Variants in SAMMSON observed in about 807,000 individuals in gnomAD.
SAMMSON encodes the protein survival associated mitochondrial melanoma specific oncogenic non-coding RNA.
chr3:70,183,348 G>A (rs1021599357), intron 4 of SAMMSON: 3 of 152,234 alleles, frequency 2.0e-5, no homozygotes, highest in Admixed American at 6.5e-5. Context: ...TCTGTTCTCA[G>A]TGGCTCGTGT....
intron 4 of SAMMSON, among the ~76,000 whole-genome samples, chr3:70,136,840 A>AGCTTTT (rs2067507882): frequency 6.6e-6 from 1 of 152,088 alleles, no homozygotes; most frequent in Admixed American, 6.5e-5. Flanking sequence ...ATGTCATTGA[A>AGCTTTT]GTTTTGATCT....
At chr3:70,252,016 G>A (rs1000476489) in intron 6 of SAMMSON, among the ~76,000 whole-genome samples, 1 of 152,176 alleles carries the variant, frequency 6.6e-6, no homozygotes, top group African/African-American at 2.4e-5. Flanking sequence ...CAAAACAAGT[G>A]CCTTCAATTC....
At chr3:70,269,815 C>T (rs1010676625) in intron 6 of SAMMSON, among the ~76,000 whole-genome samples, 1 of 152,150 alleles carries the variant, frequency 6.6e-6, no homozygotes, top group Non-Finnish European at 1.5e-5. Context: ...AACGAAATCA[C>T]ATCTCATTTC....
At chr3:70,153,869 C>T (rs1160829533) in intron 4 of SAMMSON, among the ~76,000 whole-genome samples, 1 of 151,920 alleles carries the variant, frequency 6.6e-6, no homozygotes, top group Non-Finnish European at 1.5e-5. Context: ...CTCCCCTTTC[C>T]CCCAAAACTC....
intron 7 of SAMMSON, among the ~76,000 whole-genome samples, chr3:70,307,814 A>G (rs890465018): frequency 6.6e-6 from 1 of 152,072 alleles, no homozygotes. Flanking sequence ...TACTTAACCT[A>G]CAGTCAGCAC....
chr3:70,339,799 A>T (rs4479559), intron 7 of SAMMSON, among the ~76,000 whole-genome samples: 1 of 152,158 alleles, frequency 6.6e-6, no homozygotes, highest in South Asian at 2.1e-4. Context: ...CTTTTACACC[A>T]TTGGTGGGAC....
intron 3 of SAMMSON, among the ~76,000 whole-genome samples, chr3:70,042,403 G>A (rs961688315): frequency 2.0e-5 from 3 of 152,060 alleles, no homozygotes; most frequent in Non-Finnish European, 4.4e-5. Flanking sequence ...GGAATTGTCA[G>A]GAAGGCAACA....
intron 4 of SAMMSON, among the ~76,000 whole-genome samples, chr3:70,120,923 C>A (rs910381492): frequency 1.3e-5 from 2 of 152,156 alleles, no homozygotes; most frequent in African/African-American, 4.8e-5. Flanking sequence ...CAATTCATTT[C>A]TATTATTACA....
rs994985708 is a variant in SAMMSON, at chr3:70,307,876, C to T, written n.739+16633C>T. On this transcript the variant is annotated intron_variant and non_coding_transcript_variant, in intron 7 of 9. Transcript: ENST00000642114. Reference sequence around the variant, plus strand: ...CATTATTCCGTATATGAATAATCAGCCAATATGCCCATTTCCCTAGCACTG... The same window carrying T: ...CATTATTCCGTATATGAATAATCAGTCAATATGCCCATTTCCCTAGCACTG... Among the ~76,000 whole-genome samples, 3 of 152,182 alleles carry T rather than the reference C, an allele frequency of 2.0e-5. No individual in the cohort carries two copies. In the South Asian group the frequency reaches 6.2e-4, roughly 31 times the overall value.
rs552609760 is a variant in SAMMSON, at chr3:70,370,338, G to T, written n.913+12014G>T. On this transcript the variant is annotated intron_variant and non_coding_transcript_variant, in intron 9 of 9. Transcript: ENST00000642114. ...CTTTGGATGAATACCCGGTGGGATT[G>T]CTGGATCATATGGTAGTTCTATTTT... is the stretch of plus-strand genomic sequence containing the variant. Among the ~76,000 whole-genome samples the T allele has an allele frequency of 6.6e-5, 10 of 152,102 alleles. No individual in the cohort carries two copies. The East Asian group carries it at 1.9e-3, about 29-fold the overall frequency.
rs2066915296 is a variant in SAMMSON at position 70,003,745 on chromosome 3, T to C, written n.22+3878T>C. Among the ~76,000 whole-genome samples the C allele has an allele frequency of 2.0e-5, 3 of 152,120 alleles. No homozygotes were observed. In the South Asian group the frequency reaches 6.2e-4, roughly 32 times the overall value. On this transcript the variant is annotated intron_variant and non_coding_transcript_variant, in intron 1 of 9. Coordinates refer to ENST00000642114, the Ensembl canonical transcript of SAMMSON. Reference sequence around the variant, plus strand: ...TTTTTTGCTCTTTACTCTTTTTGTATGTCTGTTCTTTCATCTGGGATAATC... The same window carrying C: ...TTTTTTGCTCTTTACTCTTTTTGTACGTCTGTTCTTTCATCTGGGATAATC...
intron 4 of SAMMSON, among the ~76,000 whole-genome samples, chr3:70,225,802 C>T (rs1274615385): frequency 1.3e-5 from 2 of 152,164 alleles, no homozygotes; most frequent in Non-Finnish European, 2.9e-5. Context: ...GTTAAAGATA[C>T]ATGGTGGTGC....
intron 6 of SAMMSON, among the ~76,000 whole-genome samples, chr3:70,251,153 G>A (rs1701763585): frequency 6.6e-6 from 1 of 152,110 alleles, no homozygotes; most frequent in African/African-American, 2.4e-5. Context: ...TAGAGAAATT[G>A]CAAAAAGGTG....
At chr3:70,027,710 A>C (rs984826534) in intron 3 of SAMMSON, among the ~76,000 whole-genome samples, 6 of 152,198 alleles carry the variant, frequency 3.9e-5, no homozygotes, top group African/African-American at 1.4e-4. Context: ...TCATCCCCAG[A>C]TGTTGCCATC....
At chr3:70,434,011 C>A (rs1160569930) in intron 2 of SAMMSON, among the ~76,000 whole-genome samples, 2 of 152,162 alleles carry the variant, frequency 1.3e-5, no homozygotes, top group African/African-American at 4.8e-5. Context: ...TTCATCTATT[C>A]TTTCACTAAT....
At chr3:70,103,376 A>G (rs1576122548) in intron 4 of SAMMSON, among the ~76,000 whole-genome samples, 1 of 152,192 alleles carries the variant, frequency 6.6e-6, no homozygotes, top group Non-Finnish European at 1.5e-5. Flanking sequence ...CCCAGTTTAC[A>G]TAAGTTACCT....
chr3:70,022,788 C>T (rs901504831), intron 3 of SAMMSON, among the ~76,000 whole-genome samples: 2 of 152,158 alleles, frequency 1.3e-5, no homozygotes, highest in Non-Finnish European at 2.9e-5. Context: ...ATTCAAGTTT[C>T]ATTTGGTTTG....
chr3:70,206,253 A>G (rs1701289930), intron 4 of SAMMSON, among the ~76,000 whole-genome samples: 1 of 151,992 alleles, frequency 6.6e-6, no homozygotes, highest in African/African-American at 2.4e-5. Flanking sequence ...GAATAGTTCC[A>G]TGTCTGAGGA....
intron 6 of SAMMSON, among the ~76,000 whole-genome samples, chr3:70,251,159 A>G (rs181879121): frequency 1.5e-4 from 23 of 152,312 alleles, no homozygotes; most frequent in African/African-American, 5.3e-4. Flanking sequence ...AATTGCAAAA[A>G]GGTGGTTTCT....
Sources: gnomAD v4.1 joint callset for allele counts (sites outside exome capture counted in the v4.1 genomes callset) on GRCh38, gnomAD v4.1.1 for gene constraint, MANE v1.5 for transcripts, NCBI Gene and HGNC (gene_info 2026-07-23, HGNC 2026-07-21) for gene names.